Variants in IDO2 observed in about 807,000 individuals in gnomAD.
The protein encoded by IDO2 is indoleamine 2,3-dioxygenase 2, also known as indoleamine 2,3-dioxygenase-like 1 protein.
In IDO2, 46 loss-of-function variants were observed where a neutral mutation model predicts 45.1. The ratio of observed to expected loss-of-function variants is 1.02; its 90% confidence interval spans 0.80 to 1.30. The LOEUF is 1.30. Among genes scored for constraint, IDO2 ranks in the 50% most tolerant of loss-of-function variants. The pLI, the probability that IDO2 is intolerant of heterozygous loss-of-function variation, is 0.00. For missense variants in IDO2, 544 were observed against 491.8 expected (o/e 1.11, Z -1.00); for synonymous variants, 218 against 184.9 (o/e 1.18, Z -1.45).
intron 8 of IDO2, among the ~76,000 whole-genome samples, chr8:40,001,667 T>G (rs959860487): frequency 3.9e-5 from 6 of 152,188 alleles, no homozygotes; most frequent in African/African-American, 1.4e-4. Flanking sequence ...ATGGTTTGTC[T>G]TATGCCTTTT....
chr8:39,949,595 G>C (rs1437504298), intron 2 of IDO2, among the ~76,000 whole-genome samples: 1 of 152,140 alleles, frequency 6.6e-6, no homozygotes, highest in East Asian at 1.9e-4. Flanking sequence ...TCAGCACCTG[G>C]AACATGGCAC....
intron 3 of IDO2, among the ~76,000 whole-genome samples, chr8:39,973,834 C>G (rs1019695939): frequency 3.3e-5 from 5 of 151,644 alleles, no homozygotes; most frequent in Non-Finnish European, 7.4e-5. Context: ...CTCCACTTCC[C>G]GGGTTCAAGC....
chr8:39,981,683 A>G (rs1280439701), intron 4 of IDO2, among the ~76,000 whole-genome samples: 1 of 152,226 alleles, frequency 6.6e-6, no homozygotes, highest in Non-Finnish European at 1.5e-5. Flanking sequence ...TGCAAGACTC[A>G]TTAAAGCTCT....
chr8:40,000,932 C>T lies in IDO2; in HGVS notation c.668-4395C>T, dbSNP rs137900746. On this transcript the variant is annotated intron_variant, in intron 8 of 10. Transcript: ENST00000502986. ...ATTTGTTTATTGCCAGTCTGATAGG[C>T]GTATAGTGGTGCTTCATCATGGTTT... is the stretch of plus-strand genomic sequence containing the variant. 7.9e-5 allele frequency among the ~76,000 whole-genome samples: 12 copies of T among 152,170 alleles called. No individual in the cohort carries two copies. In the East Asian group the frequency reaches 2.3e-3, roughly 29 times the overall value.
chr8:39,964,005 C>T (rs573963187), intron 3 of IDO2, among the ~76,000 whole-genome samples: 78 of 152,258 alleles, frequency 5.1e-4, no homozygotes, highest in African/African-American at 1.7e-3. Context: ...GACAAGGTAT[C>T]GCCTAAGAAG....
chr8:39,943,498 G>A (rs1413695372), intron 1 of IDO2, among the ~76,000 whole-genome samples: 2 of 152,260 alleles, frequency 1.3e-5, no homozygotes, highest in African/African-American at 4.8e-5. Context: ...AGCACTCTAG[G>A]AGGCCGAGGC....
chr8:39,950,083 G>C (rs1475856833), intron 2 of IDO2, among the ~76,000 whole-genome samples: 1 of 152,134 alleles, frequency 6.6e-6, no homozygotes, highest in Non-Finnish European at 1.5e-5. Context: ...TTCTACATCT[G>C]AGCTAGCTGA....
intron 3 of IDO2, among the ~76,000 whole-genome samples, chr8:39,971,007 A>AC (rs935783411): frequency 2.6e-5 from 4 of 151,224 alleles, no homozygotes; most frequent in Non-Finnish European, 4.4e-5. Flanking sequence ...CTCGTGATCC[A>AC]CCCCCCTTGG....
At chr8:40,005,996 G>C (rs1802214941) in intron 9 of IDO2, among the ~76,000 whole-genome samples, 1 of 152,004 alleles carries the variant, frequency 6.6e-6, no homozygotes, top group Non-Finnish European at 1.5e-5. Flanking sequence ...TCCATTCCTT[G>C]TCCCTTCCAC....
intron 2 of IDO2, among the ~76,000 whole-genome samples, chr8:39,952,996 A>G (rs746059496): frequency 2.9e-5 from 3 of 102,106 alleles, no homozygotes; most frequent in Non-Finnish European, 4.5e-5. Flanking sequence ...TCAAACTCCC[A>G]ACCTCAGGTG....
At chr8:39,991,830 C>T (rs1314400153) in intron 8 of IDO2, among the ~76,000 whole-genome samples, 1 of 152,180 alleles carries the variant, frequency 6.6e-6, no homozygotes, top group Admixed American at 6.5e-5. Flanking sequence ...CTTGGCCTCC[C>T]AAAGTGCTGG....
intron 8 of IDO2, chr8:39,998,440 T>C (rs1449918345): frequency 6.6e-6 from 1 of 152,098 alleles, no homozygotes; most frequent in Non-Finnish European, 1.5e-5. Flanking sequence ...TCCAGGGCAG[T>C]CTTCGGAAAT....
chr8:39,971,734 A>C (rs1180148479), intron 3 of IDO2, among the ~76,000 whole-genome samples: 1 of 152,242 alleles, frequency 6.6e-6, no homozygotes, highest in Non-Finnish European at 1.5e-5. Context: ...ATGTCGCAGA[A>C]ATAGTATGAG....
At chr8:39,985,568 T>C in intron 6 of IDO2, 46 bp downstream of exon 6, 1 of 1,490,758 alleles carries the variant, frequency 6.7e-7, no homozygotes, top group Non-Finnish European at 9.1e-7. Flanking sequence ...CCAGGCCAAA[T>C]TTAAAATCTT....
intron 8 of IDO2, among the ~76,000 whole-genome samples, chr8:40,004,850 T>C (rs755947707): frequency 2.0e-5 from 3 of 152,224 alleles, no homozygotes; most frequent in Non-Finnish European, 2.9e-5. Context: ...TCTGACCTAG[T>C]GTGGCAATCC....
chr8:39,995,254 T>TCTCCTTCTCCTC (rs1563438309), intron 8 of IDO2: 1 of 109,158 alleles, frequency 9.2e-6, no homozygotes, highest in African/African-American at 4.3e-5. Context: ...TCCTTCTCCT[T>TCTCCTTCTCCTC]CTTCTTCTTC....
intron 2 of IDO2, among the ~76,000 whole-genome samples, chr8:39,949,955 C>A (rs1163204712): frequency 6.6e-6 from 1 of 152,148 alleles, no homozygotes; most frequent in East Asian, 1.9e-4. Context: ...AATTGTAATG[C>A]AAATCTTTTT....
At chr8:40,004,817 A>G (rs915654296) in intron 8 of IDO2, among the ~76,000 whole-genome samples, 3 of 152,224 alleles carry the variant, frequency 2.0e-5, no homozygotes, top group Non-Finnish European at 2.9e-5. Flanking sequence ...AGGTAGCTAA[A>G]CATGAAGCTA....
chr8:39,976,942 A>G (rs1014087779), intron 3 of IDO2, among the ~76,000 whole-genome samples: 1 of 152,246 alleles, frequency 6.6e-6, no homozygotes, highest in Non-Finnish European at 1.5e-5. Flanking sequence ...ATTCAGAACA[A>G]ATTGACTTAG....
Sources: allele counts gnomAD v4.1 joint callset (sites outside exome capture counted in the v4.1 genomes callset), GRCh38; gene constraint gnomAD v4.1.1; transcripts MANE v1.5; gene names NCBI Gene and HGNC (gene_info 2026-07-23, HGNC 2026-07-21).